ZCCHC7: variants seen among roughly 807,000 people sequenced by gnomAD.
ZCCHC7 encodes the protein zinc finger CCHC domain-containing protein 7.
In ZCCHC7, 35 loss-of-function variants were observed where a neutral mutation model predicts 52.0. That is an observed-to-expected ratio of 0.67 (90% confidence interval 0.51 to 0.89). The LOEUF is 0.89. Ranked by LOEUF, ZCCHC7 falls within the 40% of genes least tolerant of loss-of-function variation. The pLI, the probability that ZCCHC7 is intolerant of heterozygous loss-of-function variation, is 0.00. For synonymous variants in ZCCHC7, 217 were observed against 221.5 expected, an observed-to-expected ratio of 0.98 and a Z score of 0.18; for missense variants, 574 against 649.1, an observed-to-expected ratio of 0.88 and a Z score of 1.26.
At chr9:37,317,682 G>A (rs150666706) in intron 5 of ZCCHC7, among the ~76,000 whole-genome samples, 541 of 152,142 alleles carry the variant, frequency 3.6e-3, no homozygotes, top group Non-Finnish European at 6.0e-3. Context: ...GGAAACTCAC[G>A]TAGTATAACA....
Position 37,305,532 on chromosome 9 carries a change from T to G in ZCCHC7, c.781-12T>G. 6.2e-7 allele frequency: 1 copy of G among 1,612,762 alleles called. No individual in the cohort carries two copies. Among genetic ancestry groups the G allele is most frequent in the Non-Finnish European group, 8.5e-7 (1 of 1,179,634 alleles). ...GAGACTGAAGAGATTTTATGTTTTT[T>G]TCGCCACATAGAAAGTTCGTCGCTG... On this transcript the variant is annotated splice_polypyrimidine_tract_variant and intron_variant, in intron 4 of 8. Transcript: ENST00000336755.
At chr9:37,211,015 C>T (rs932857571) in intron 2 of ZCCHC7, among the ~76,000 whole-genome samples, 4 of 152,168 alleles carry the variant, frequency 2.6e-5, no homozygotes, top group Admixed American at 6.5e-5. Flanking sequence ...GTAGTTCCTT[C>T]TGCCAGGAAT....
At chr9:37,302,868 C>G (rs961079123) in intron 3 of ZCCHC7, among the ~76,000 whole-genome samples, 3 of 152,108 alleles carry the variant, frequency 2.0e-5, no homozygotes, top group African/African-American at 4.8e-5. Flanking sequence ...TTGGGTCACT[C>G]TGTAGGCAGA....
chr9:37,217,079 A>G (rs149827501), intron 2 of ZCCHC7, among the ~76,000 whole-genome samples: 37 of 152,244 alleles, frequency 2.4e-4, no homozygotes, highest in Admixed American at 7.8e-4. Context: ...AGGTGTATCT[A>G]TCTTACAGTG....
chr9:37,354,596 C>A lies in ZCCHC7; in HGVS notation c.1084-114C>A. 1.4e-6 allele frequency: 1 copy of A among 697,744 alleles called. No homozygotes were observed. Among genetic ancestry groups the A allele is most frequent in the Non-Finnish European group, 2.4e-6 (1 of 410,966 alleles). The allele number at this position is 697,744 out of a possible 1,614,324, so 43.2% of individuals were successfully genotyped here. A position where few individuals can be genotyped will look rare whatever the true frequency, so the allele number is the denominator to read the frequency against. On this transcript the variant is annotated intron_variant, in intron 7 of 8. Coordinates refer to ENST00000336755, the MANE Select transcript of ZCCHC7 (RefSeq NM_032226.3). This position sits in a 1 kb window ranked among gnomAD's most constrained non-coding sequence, Gnocchi z 4.0. ...CAAGGACCATATCCTACAGCCACCA[C>A]ATGAGGTACCAGTGACATGGGGCTC...
intron 3 of ZCCHC7, among the ~76,000 whole-genome samples, chr9:37,303,906 G>A (rs182841725): frequency 2.1e-3 from 325 of 151,812 alleles, no homozygotes; most frequent in African/African-American, 7.6e-3. Flanking sequence ...CGGGTGATCC[G>A]CCCACCTCGG....
At chr9:37,157,115 G>A (rs1820855464) in intron 2 of ZCCHC7, among the ~76,000 whole-genome samples, 1 of 151,078 alleles carries the variant, frequency 6.6e-6, no homozygotes, top group African/African-American at 2.4e-5. Flanking sequence ...GGGTAAAACT[G>A]CTGATGCCTC....
intron 2 of ZCCHC7, among the ~76,000 whole-genome samples, chr9:37,208,732 A>G (rs550737087): frequency 2.0e-4 from 31 of 152,208 alleles, no homozygotes; most frequent in African/African-American, 7.0e-4. Context: ...GTTCCAATTC[A>G]CCATTATCAT....
chr9:37,243,656 A>T (rs512190), intron 2 of ZCCHC7, among the ~76,000 whole-genome samples: 1 of 151,926 alleles, frequency 6.6e-6, no homozygotes, highest in South Asian at 2.1e-4. Flanking sequence ...TTCAAACTGC[A>T]CTGTGGACTA....
At chr9:37,303,760 C>T (rs898412980) in intron 3 of ZCCHC7, among the ~76,000 whole-genome samples, 8 of 147,322 alleles carry the variant, frequency 5.4e-5, no homozygotes, top group South Asian at 4.3e-4. Context: ...GCCTCCCAGG[C>T]GCAAGCGATT....
chr9:37,164,453 A>AT (rs1717419266), intron 2 of ZCCHC7, among the ~76,000 whole-genome samples: 2 of 90,214 alleles, frequency 2.2e-5, no homozygotes, highest in African/African-American at 8.3e-5. Context: ...AGATAGATAG[A>AT]TAGATAGATA....
chr9:37,228,514 A>G (rs1024115628), intron 2 of ZCCHC7, among the ~76,000 whole-genome samples: 29 of 151,694 alleles, frequency 1.9e-4, no homozygotes, highest in Non-Finnish European at 2.8e-4. Flanking sequence ...TCCTGAGGCA[A>G]GCAACACCAT....
chr9:37,342,562 T>G (rs946276913), intron 6 of ZCCHC7, among the ~76,000 whole-genome samples: 5 of 152,052 alleles, frequency 3.3e-5, no homozygotes. Flanking sequence ...GACAGAGAGA[T>G]GGATAGAAGC....
At chr9:37,320,788 G>C (rs1240080192) in intron 5 of ZCCHC7, among the ~76,000 whole-genome samples, 1 of 152,052 alleles carries the variant, frequency 6.6e-6, no homozygotes, top group Non-Finnish European at 1.5e-5. Flanking sequence ...CAACATCTTG[G>C]GAGAAGAGGA....
intron 2 of ZCCHC7, among the ~76,000 whole-genome samples, chr9:37,270,582 T>TGAGGCAG (rs1052469902): frequency 4.0e-5 from 6 of 151,492 alleles, no homozygotes; most frequent in Non-Finnish European, 8.8e-5. Flanking sequence ...CTTGGGAGGC[T>TGAGGCAG]GAGGCAGGAG....
intron 6 of ZCCHC7, among the ~76,000 whole-genome samples, chr9:37,339,253 A>C (rs544610979): frequency 9.2e-5 from 14 of 152,300 alleles, no homozygotes; most frequent in South Asian, 8.3e-4. Flanking sequence ...AGTATTCCTG[A>C]AAGGGAAGTA....
intron 2 of ZCCHC7, among the ~76,000 whole-genome samples, chr9:37,269,656 T>C (rs1041430233): frequency 7.5e-6 from 1 of 133,332 alleles, no homozygotes; most frequent in Admixed American, 7.4e-5. Context: ...ACAAAAGAAG[T>C]TCTAGGCATG....
At chr9:37,255,633 A>G (rs1826551401) in intron 2 of ZCCHC7, among the ~76,000 whole-genome samples, 1 of 152,180 alleles carries the variant, frequency 6.6e-6, no homozygotes, top group Non-Finnish European at 1.5e-5. Flanking sequence ...ATATTTGCCA[A>G]CACTGAGCAT....
At chr9:37,171,060 G>A (rs1353432018) in intron 2 of ZCCHC7, among the ~76,000 whole-genome samples, 1 of 152,206 alleles carries the variant, frequency 6.6e-6, no homozygotes, top group Non-Finnish European at 1.5e-5. Flanking sequence ...AATTGTAATA[G>A]TATGGTTGAC....
Sources: allele counts gnomAD v4.1 joint callset (sites outside exome capture counted in the v4.1 genomes callset), GRCh38; gene constraint gnomAD v4.1.1; non-coding constraint Gnocchi (gnomAD v3.1); transcripts MANE v1.5; gene names NCBI Gene and HGNC (gene_info 2026-07-23, HGNC 2026-07-21).